The following ITPR3 variants were observed in gnomAD, a reference collection of about 807,000 sequenced individuals.
ITPR3 encodes the protein inositol 1,4,5-trisphosphate receptor type 3.
Under a neutral mutation model 293.2 loss-of-function variants are expected in ITPR3, and 173 were observed. That is an observed-to-expected ratio of 0.59 (90% CI 0.52 to 0.67). ITPR3 has a LOEUF of 0.67. Ranked by LOEUF, ITPR3 falls within the 30% of genes least tolerant of loss-of-function variation. The pLI is 0.00. For missense variants in ITPR3, 2,796 were observed against 3,592.1 expected (o/e 0.78, Z 5.66); for synonymous variants, 1,295 against 1,444.4 (o/e 0.90, Z 2.35).
Position 33,688,746 on chromosome 6 carries a change from C to A in ITPR3, c.6659C>A (p.Ala2220Asp), listed in dbSNP as rs1765307853. 5 of 1,614,218 alleles carry A rather than the reference C, an allele frequency of 3.1e-6. No individual in the cohort carries two copies. The highest frequency in any genetic ancestry group is 4.2e-6 in the Non-Finnish European group (5 of 1,180,038). ...NLAVFINIII[A>D]FFYPYMEGAS... The stretch of plus-strand genomic sequence containing the variant: ...GCCGTGTTTATCAACATCATCATTG[C>A]CTTCTTCTACCCTTACATGGAGGGC... The change falls in exon 49 of 58, where the codon GCC becomes GAC. Residue 2220 changes from alanine to aspartate, a missense_variant. Ala to Asp is a moderately radical substitution (Grantham distance 126, BLOSUM62 -2). Transcript: ENST00000605930.
Position 33,686,133 on chromosome 6 carries a change from C to T in ITPR3, c.5748C>T (p.Gly1916=), listed in dbSNP as rs145189528. 1.2e-5 allele frequency: 19 copies of T among 1,614,112 alleles called. No individual in the cohort carries two copies. The highest frequency in any genetic ancestry group is 1.5e-5 in the Non-Finnish European group (18 of 1,180,050). ...TGCAGTTCCTGGACATCATGTGCGG[C>T]AGCACCACGGGCGGCCTGGGGCTGC... ...ETLQFLDIMC[G]STTGGLGLLG... Residue 1916 remains glycine, a synonymous_variant, in exon 42 of 58, where the codon GGC becomes GGT. Coordinates refer to ENST00000605930, the MANE Select transcript of ITPR3 (RefSeq NM_002224.4).
intron 1 of ITPR3, among the ~76,000 whole-genome samples, chr6:33,629,482 C>CT (rs571746597): frequency 2.0e-3 from 282 of 138,626 alleles, no homozygotes; most frequent in South Asian, 8.7e-3. Context: ...CCATTGGTTT[C>CT]TTTTTTTTTT....
chr6:33,663,180 T>C (rs1764519984), intron 9 of ITPR3, among the ~76,000 whole-genome samples, 174 bp downstream of exon 9: 1 of 152,246 alleles, frequency 6.6e-6, no homozygotes, highest in South Asian at 2.1e-4. Context: ...TAAATAAGCC[T>C]AATAAATATC....
Position 33,671,260 on chromosome 6 carries a change from T to G in ITPR3, c.2682T>G (p.Cys894Trp). ...LTRTLLGIID[C>W]VQGPPAMLQA... ...GCACACTGCTGGGCATCATCGACTG[T>G]GTGCAGGGGCCCCCGGCCATGCTGC... The change falls in exon 21 of 58, where the codon TGT (cysteine) becomes TGG (tryptophan). Residue 894 changes from cysteine (C) to tryptophan (W), a missense_variant. Around this residue, in one of 8 missense-constraint regions of ITPR3, gnomAD observed 955 missense variants for 1,180.8 expected, o/e 0.81. Transcript: ENST00000605930. 6.2e-7 allele frequency: 1 copy of G among 1,613,660 alleles called. No homozygotes were observed. Among genetic ancestry groups the G allele is most frequent in the Non-Finnish European group, 8.5e-7 (1 of 1,179,986 alleles).
Position 33,692,035 on chromosome 6 carries a change from A to G in ITPR3, c.7458+107A>G. 1 of 1,448,694 alleles carries G rather than the reference A, an allele frequency of 6.9e-7. No individual in the cohort carries two copies. The highest frequency in any genetic ancestry group is 1.2e-5 in the South Asian group (1 of 84,852). The allele number at this position is 1,448,694 out of a possible 1,614,324, so 89.7% of individuals were successfully genotyped here. A position where few individuals can be genotyped will look rare whatever the true frequency, so the allele number is the denominator to read the frequency against. Reference sequence around the variant, plus strand: ...CCTCGCGTCAGATATTCAGGGTTGAACCCCCTCCCCCGAACTTGTATCCAC... The same window carrying G: ...CCTCGCGTCAGATATTCAGGGTTGAGCCCCCTCCCCCGAACTTGTATCCAC... On this transcript the variant is annotated intron_variant, in intron 54 of 57. Coordinates refer to ENST00000605930, the MANE Select transcript of ITPR3 (RefSeq NM_002224.4). This position sits in a 1 kb window ranked among gnomAD's most constrained non-coding sequence, Gnocchi z 4.2.
chr6:33,693,764 CTG>C (rs950585284), intron 56 of ITPR3, 59 bp downstream of exon 56: 80 of 1,583,154 alleles, frequency 5.1e-5, no homozygotes, highest in Non-Finnish European at 6.5e-5. Flanking sequence ...AGAGTCATCA[CTG>C]TGCACCAGAG....
chr6:33,656,193 T>A (rs1764301854), intron 3 of ITPR3, among the ~76,000 whole-genome samples: 1 of 152,120 alleles, frequency 6.6e-6, no homozygotes, highest in East Asian at 1.9e-4. Context: ...TTGGTGTGAA[T>A]TGCTGTGAAG....
intron 2 of ITPR3, among the ~76,000 whole-genome samples, chr6:33,644,403 G>A (rs376411566): frequency 1.3e-5 from 2 of 151,478 alleles, no homozygotes; most frequent in Admixed American, 1.3e-4. Context: ...GATTACAGGC[G>A]TGAGCCACTG....
chr6:33,665,161 G>T lies in ITPR3; in HGVS notation c.1357G>T (p.Ala453Ser). 2.5e-6 allele frequency: 4 copies of T among 1,614,182 alleles called. No homozygotes were observed. The highest frequency in any genetic ancestry group is 3.4e-6 in the Non-Finnish European group (4 of 1,180,042). ...TGCCAATGACGCCAGCTCCATGCTG[G>T]CCAGTGCCGTGGAGAAACTCAACGA... is the stretch of plus-strand genomic sequence containing the variant. ...DFANDASSMLASAVEKLNEGF... is the reference protein window; with the variant it reads ...DFANDASSMLSSAVEKLNEGF... Residue 453 changes from alanine to serine, a missense_variant, in exon 13 of 58, where the codon GCC becomes TCC. This residue lies in a region of ITPR3 where 955 missense variants were observed against 1,180.8 expected (regional missense o/e 0.81). Transcript: ENST00000605930.
At chr6:33,678,280 G>A in intron 28 of ITPR3, 141 bp from the exon 29 acceptor site, 5 of 1,163,606 alleles carry the variant, frequency 4.3e-6, no homozygotes, top group African/African-American at 1.5e-5. Context: ...CCTGACCTGG[G>A]GGCCCCACTT....
Position 33,687,546 on chromosome 6 carries a change from C to T in ITPR3, c.6246C>T (p.Ala2082=), listed in dbSNP as rs144106908. The T allele has an allele frequency of 2.0e-5, 31 of 1,567,098 alleles. No individual in the cohort carries two copies. The African/African-American group carries it at 3.4e-4, about 17-fold the overall frequency. The change falls in exon 46 of 58, where the codon GCC becomes GCT. Residue 2082 remains alanine, a synonymous_variant. Transcript: ENST00000605930. This position sits in a 1 kb window ranked among gnomAD's most constrained non-coding sequence, Gnocchi z 5.3. ...TGAAGCGCATTCAAGAGGAGGAGGC[C>T]GAGGGTATCTCTTCCATGGTGGGTG... is the stretch of plus-strand genomic sequence containing the variant. The part of the protein sequence containing the change: ...KPVKRIQEEE[A]EGISSMLSLN...
intron 31 of ITPR3, 62 bp downstream of exon 31, chr6:33,680,195 G>A (rs1050363887): frequency 6.3e-6 from 10 of 1,588,666 alleles, no homozygotes; most frequent in Middle Eastern, 1.8e-4. Flanking sequence ...GTAAAGCCAC[G>A]GGACAGGAAG....
intron 7 of ITPR3, among the ~76,000 whole-genome samples, chr6:33,660,094 T>C (rs1764423815): frequency 6.6e-6 from 1 of 152,128 alleles, no homozygotes; most frequent in Admixed American, 6.5e-5. Context: ...GGGAGCTGTC[T>C]GGGGCCACCA....
rs779091962 is a variant in ITPR3 at position 33,667,274 on chromosome 6, A to T, written c.1697A>T (p.Asp566Val). 1 of 1,612,504 alleles carries T rather than the reference A, an allele frequency of 6.2e-7. No homozygotes were observed. Among genetic ancestry groups the T allele is most frequent in the Non-Finnish European group, 8.5e-7 (1 of 1,179,784 alleles). ...CYRVLRHSQE[D>V]YRKNQEHIAK... is the part of the protein sequence containing the mutation. ...CGCGTGTTGCGGCATTCCCAGGAGGACTACCGCAAGAACCAGGTGCGCCGC... is the reference window on the plus strand; with the variant it reads ...CGCGTGTTGCGGCATTCCCAGGAGGTCTACCGCAAGAACCAGGTGCGCCGC... The change falls in exon 15 of 58, where the codon GAC becomes GTC. Residue 566 changes from aspartate to valine, a missense_variant. Asp to Val is a radical substitution (Grantham distance 152). Around this residue, in one of 8 missense-constraint regions of ITPR3, gnomAD observed 955 missense variants for 1,180.8 expected, o/e 0.81. Transcript: ENST00000605930. The surrounding 1 kb of genome is among the most constrained non-coding windows in gnomAD (Gnocchi z 4.4).
chr6:33,665,980 C>G lies in ITPR3; in HGVS notation c.1551+4C>G. 6.3e-7 allele frequency: 1 copy of G among 1,599,390 alleles called. No individual in the cohort carries two copies. The highest frequency in any genetic ancestry group is 1.1e-5 in the South Asian group (1 of 88,976). Reference sequence around the variant, plus strand: ...GGAGCAGAACATCCTCAAACAGGTGCGTGTGCACCCATGAGGGGACGCAGA... The same window carrying G: ...GGAGCAGAACATCCTCAAACAGGTGGGTGTGCACCCATGAGGGGACGCAGA... On this transcript the variant is annotated splice_donor_region_variant and intron_variant, in intron 14 of 57. Transcript: ENST00000605930.
rs1374826082 is a variant in ITPR3, at chr6:33,691,727, TG to T, written c.7330+10del. 6.2e-7 allele frequency: 1 copy of T among 1,613,524 alleles called. No homozygotes were observed. Among genetic ancestry groups the T allele is most frequent in the Non-Finnish European group, 8.5e-7 (1 of 1,179,800 alleles). ...TGCCTGAGGTCCTGGAAGGTGAGGG[TG>T]GTGTGTGTGCAGGAGTCTGTGTGGG... On this transcript the variant is annotated intron_variant, in intron 53 of 57. Coordinates refer to ENST00000605930, the MANE Select transcript of ITPR3 (RefSeq NM_002224.4). The surrounding 1 kb of genome is among the most constrained non-coding windows in gnomAD (Gnocchi z 4.9).
In ITPR3 at chr6:33,670,776, G is replaced by A. The variant is rs776612517; in HGVS notation, c.2547G>A (p.Val849=). ...DYLNNVVSEA[V]PFANEEKNKL... is the part of the protein sequence containing the mutation. ...TCAACAATGTAGTCAGCGAGGCCGT[G>A]CCCTTTGCCAACGAGGAGAAGAACA... Residue 849 remains valine, a synonymous_variant, in exon 20 of 58, where the codon GTG becomes GTA. Transcript: ENST00000605930. This position sits in a 1 kb window ranked among gnomAD's most constrained non-coding sequence, Gnocchi z 6.7. 6.2e-7 allele frequency: 1 copy of A among 1,614,006 alleles called. No individual in the cohort carries two copies. Among genetic ancestry groups the A allele is most frequent in the African/African-American group, 1.3e-5 (1 of 74,932 alleles).
Position 33,690,972 on chromosome 6 carries a change from C to T in ITPR3, c.7088C>T (p.Thr2363Ile). 2 of 1,614,154 alleles carry T rather than the reference C, an allele frequency of 1.2e-6. No individual in the cohort carries two copies. Among genetic ancestry groups the T allele is most frequent in the Non-Finnish European group, 1.7e-6 (2 of 1,180,006 alleles). ...ETLFNVIKSVTRNGRSILLTA... is the reference protein window; with the variant it reads ...ETLFNVIKSVIRNGRSILLTA... Reference sequence around the variant, plus strand: ...CTGTTCAACGTCATCAAGAGTGTGACCCGCAATGGCCGCTCCATCCTGCTG... The same window carrying T: ...CTGTTCAACGTCATCAAGAGTGTGATCCGCAATGGCCGCTCCATCCTGCTG... Residue 2363 changes from threonine (T) to isoleucine (I), a missense_variant, in exon 52 of 58, where the codon ACC becomes ATC. Coordinates refer to ENST00000605930, the MANE Select transcript of ITPR3 (RefSeq NM_002224.4).
rs1392323639 is a variant in ITPR3, at chr6:33,633,689, C to A, written c.90-6795C>A. Among the ~76,000 whole-genome samples, 1 of 149,164 alleles carries A rather than the reference C, an allele frequency of 6.7e-6. No homozygotes were observed. Among genetic ancestry groups the A allele is most frequent in the East Asian group, 1.9e-4 (1 of 5,144 alleles). On this transcript the variant is annotated intron_variant, in intron 1 of 57. Coordinates refer to ENST00000605930, the MANE Select transcript of ITPR3 (RefSeq NM_002224.4). This position sits in a 1 kb window ranked among gnomAD's most constrained non-coding sequence, Gnocchi z 5.2. ...CGAGGCCGCGCTGGCCCTCCCTTGGCGGCGGCGGCGCGTCGTGGGAGACGG... is the reference window on the plus strand; with the variant it reads ...CGAGGCCGCGCTGGCCCTCCCTTGGAGGCGGCGGCGCGTCGTGGGAGACGG...
Sources: gnomAD v4.1 joint callset for allele counts (sites outside exome capture counted in the v4.1 genomes callset) on GRCh38, gnomAD v4.1.1 for gene constraint, gnomAD v4.1.1 regional missense constraint, Gnocchi (gnomAD v3.1) non-coding constraint, MANE v1.5 for transcripts, NCBI Gene and HGNC (gene_info 2026-07-23, HGNC 2026-07-21) for gene names.